CMIP: variants seen among roughly 807,000 people sequenced by gnomAD.
CMIP encodes the protein C-Maf-inducing protein.
A neutral mutation model predicts 97.3 loss-of-function variants in CMIP; 13 were observed. The ratio of observed to expected loss-of-function variants is 0.13; its 90% CI spans 0.09 to 0.21. The LOEUF (loss-of-function observed/expected upper bound fraction) is 0.21, where lower values mean the gene tolerates loss of function less well. CMIP is among the 10% of genes least tolerant of loss of function. The probability of loss-of-function intolerance (pLI) is 1.00; values close to 1 mark genes in which losing one functional copy is unlikely to be tolerated. For missense variants in CMIP, 847 were observed against 1,024.9 expected, an observed-to-expected ratio of 0.83 and a Z score of 2.37; for synonymous variants, 538 against 436.3, an observed-to-expected ratio of 1.23 and a Z score of -2.91.
intron 4 of CMIP, among the ~76,000 whole-genome samples, chr16:81,656,714 T>C (rs1349231476): frequency 6.6e-6 from 1 of 152,232 alleles, no homozygotes; most frequent in Non-Finnish European, 1.5e-5. Flanking sequence ...CTCAGCTCAC[T>C]GCAGCCTCCG....
chr16:81,458,838 AG>A (rs1906720373), intron 1 of CMIP, among the ~76,000 whole-genome samples: 1 of 152,204 alleles, frequency 6.6e-6, no homozygotes, highest in African/African-American at 2.4e-5. Context: ...CCTAGGATAA[AG>A]GGGAGAATAC....
chr16:81,477,032 C>T lies in CMIP; in HGVS notation c.300+31491C>T, dbSNP rs376831887. On this transcript the variant is annotated intron_variant, in intron 1 of 20. Coordinates refer to ENST00000537098, the MANE Select transcript of CMIP (RefSeq NM_198390.3). ...ATCTATAGTAGGACCATTTTTATCT[C>T]GTGGGGCTAATTCATGCCGCGTTGA... 7.9e-5 allele frequency among the ~76,000 whole-genome samples: 12 copies of T among 152,094 alleles called. No homozygotes were observed. The South Asian group carries it at 8.3e-4, about 11-fold the overall frequency.
rs1034811535 is a variant in CMIP at position 81,655,985 on chromosome 16, G to A, written c.640-1790G>A. 9.9e-5 allele frequency among the ~76,000 whole-genome samples: 15 copies of A among 152,146 alleles called. No homozygotes were observed. The highest frequency in any genetic ancestry group is 2.9e-4 in the African/African-American group (12 of 41,424). ...AGAGACCAAGGCCAGGCTTCTCCCC[G>A]AAGCTGAAAAATGACTGATAGTTAA... On this transcript the variant is annotated intron_variant, in intron 4 of 20. Coordinates refer to ENST00000537098, the MANE Select transcript of CMIP (RefSeq NM_198390.3). This position sits in a 1 kb window ranked among gnomAD's most constrained non-coding sequence, Gnocchi z 4.9.
At chr16:81,690,841 A>G (rs2151078295) in intron 10 of CMIP, among the ~76,000 whole-genome samples, 1 of 152,212 alleles carries the variant, frequency 6.6e-6, no homozygotes, top group East Asian at 1.9e-4. Flanking sequence ...CACGAGAATC[A>G]CTTGAACCCA....
intron 1 of CMIP, among the ~76,000 whole-genome samples, chr16:81,491,111 T>C (rs1418445900): frequency 3.3e-5 from 5 of 152,154 alleles, no homozygotes; most frequent in Non-Finnish European, 5.9e-5. Context: ...TGGGTTCCTG[T>C]TCCTGACCCA....
chr16:81,467,612 G>A (rs375827991), intron 1 of CMIP, among the ~76,000 whole-genome samples: 1 of 143,616 alleles, frequency 7.0e-6, no homozygotes, highest in Non-Finnish European at 1.5e-5. Context: ...ATGGAGTCTC[G>A]TTCTGTCACC....
intron 9 of CMIP, among the ~76,000 whole-genome samples, chr16:81,673,195 G>A (rs956762978): frequency 3.3e-5 from 5 of 152,138 alleles, no homozygotes; most frequent in Non-Finnish European, 5.9e-5. Context: ...GGACAGGGAA[G>A]GGAGGACATC....
chr16:81,652,331 C>G lies in CMIP; in HGVS notation c.606C>G (p.Ala202=), dbSNP rs2092437404. 1.9e-6 allele frequency: 3 copies of G among 1,613,776 alleles called. No individual in the cohort carries two copies. The Admixed American group carries it at 5.0e-5, about 27-fold the overall frequency. Reference sequence around the variant, plus strand: ...TGCAGGATGACTCCATCAACCAGGCCCCACTGGAAATCGTCTCGAAACTGC... The same window carrying G: ...TGCAGGATGACTCCATCAACCAGGCGCCACTGGAAATCGTCTCGAAACTGC... ...SPLQDDSINQ[A]PLEIVSKLLS... Residue 202 remains alanine (A), a synonymous_variant, in exon 4 of 21, where the codon GCC becomes GCG. Transcript: ENST00000537098. This position sits in a 1 kb window ranked among gnomAD's most constrained non-coding sequence, Gnocchi z 5.2.
intron 1 of CMIP, among the ~76,000 whole-genome samples, chr16:81,603,101 A>C (rs1285529957): frequency 1.3e-5 from 2 of 152,026 alleles, no homozygotes. Context: ...TGTTTTTGAG[A>C]AGGAGTCTTG....
At chr16:81,586,786 C>G (rs781058804) in intron 1 of CMIP, among the ~76,000 whole-genome samples, 1 of 152,182 alleles carries the variant, frequency 6.6e-6, no homozygotes, top group Non-Finnish European at 1.5e-5. Context: ...ATCTGACTCC[C>G]CACTCAACTG....
At chr16:81,694,662 A>T (rs1567668264) in intron 13 of CMIP, among the ~76,000 whole-genome samples, 3 of 152,140 alleles carry the variant, frequency 2.0e-5, no homozygotes, top group Non-Finnish European at 4.4e-5. Context: ...CTGCCGCCGC[A>T]TCCCTTCCCG....
At chr16:81,469,218 C>A (rs1279022978) in intron 1 of CMIP, among the ~76,000 whole-genome samples, 1 of 152,180 alleles carries the variant, frequency 6.6e-6, no homozygotes, top group Non-Finnish European at 1.5e-5. Flanking sequence ...AGCATCTAGA[C>A]CCAAGATAAT....
intron 9 of CMIP, among the ~76,000 whole-genome samples, chr16:81,673,141 G>C (rs967951344): frequency 2.6e-5 from 4 of 152,180 alleles, no homozygotes. Flanking sequence ...CCAGGATTTG[G>C]GTGGAAGTGG....
intron 17 of CMIP, chr16:81,703,731 A>T (rs144553447): frequency 1.6e-6 from 1 of 612,006 alleles, no homozygotes; most frequent in African/African-American, 1.9e-5. Flanking sequence ...GCTGTCGTCC[A>T]TGGGATGCGT....
At chr16:81,657,856 C>T in intron 5 of CMIP, 40 bp downstream of exon 5, 1 of 1,524,778 alleles carries the variant, frequency 6.6e-7, no homozygotes. Flanking sequence ...CCCACCTCCG[C>T]CTCCTGGAGC....
intron 3 of CMIP, chr16:81,631,076 T>G (rs2092151519): frequency 6.6e-6 from 1 of 152,280 alleles, no homozygotes; most frequent in Non-Finnish European, 1.5e-5. Flanking sequence ...CAGGGCTGCT[T>G]CAGGGATTGA....
intron 1 of CMIP, among the ~76,000 whole-genome samples, chr16:81,537,436 G>A (rs1206516329): frequency 6.7e-6 from 1 of 149,934 alleles, no homozygotes; most frequent in Non-Finnish European, 1.5e-5. Flanking sequence ...TTGGGAGGCT[G>A]AGACAGGAGA....
At chr16:81,554,890 C>G (rs755178495) in intron 1 of CMIP, among the ~76,000 whole-genome samples, 10 of 152,234 alleles carry the variant, frequency 6.6e-5, no homozygotes, top group Non-Finnish European at 1.2e-4. Context: ...TTTGTTTTCA[C>G]TTTAATCTTC....
chr16:81,470,338 G>A (rs1567531513), intron 1 of CMIP, among the ~76,000 whole-genome samples: 1 of 152,336 alleles, frequency 6.6e-6, no homozygotes, highest in African/African-American at 2.4e-5. Context: ...TTCTTTGCAC[G>A]TGCAGCCTGC....
Sources: allele counts gnomAD v4.1 joint callset (sites outside exome capture counted in the v4.1 genomes callset), GRCh38; gene constraint gnomAD v4.1.1; non-coding constraint Gnocchi (gnomAD v3.1); transcripts MANE v1.5; gene names NCBI Gene and HGNC (gene_info 2026-07-23, HGNC 2026-07-21).